Variants in LRRC4C observed in about 807,000 individuals in gnomAD.
LRRC4C encodes the protein leucine rich repeat containing 4C.
LRRC4C carries 5 observed loss-of-function variants against 33.6 expected under a neutral mutation model. The observed-to-expected ratio is 0.15, with a 90% CI of 0.08 to 0.31. The LOEUF (loss-of-function observed/expected upper bound fraction) is 0.31, where lower values mean the gene tolerates loss of function less well. Ranked by LOEUF, LRRC4C falls within the 10% of genes least tolerant of loss-of-function variation. LRRC4C has a pLI of 1.00. For missense variants in LRRC4C, 560 were observed against 796.7 expected (o/e 0.70, Z 3.58); for synonymous variants, 329 against 302.0 (o/e 1.09, Z -0.93).
chr11:41,303,861 G>T (rs77302162), intron 1 of LRRC4C, among the ~76,000 whole-genome samples: 1 of 40,252 alleles, frequency 2.5e-5, no homozygotes, highest in African/African-American at 7.3e-5. Context: ...CAATCACCCC[G>T]TCTGAGAAGT....
At chr11:41,412,783 A>T (rs1954536723) in intron 1 of LRRC4C, among the ~76,000 whole-genome samples, 1 of 152,172 alleles carries the variant, frequency 6.6e-6, no homozygotes, top group African/African-American at 2.4e-5. Context: ...GCAGAAACTC[A>T]GACAGAGAGA....
chr11:41,308,281 G>A lies in LRRC4C; in HGVS notation c.-496+151150C>T, dbSNP rs117447084. On this transcript the variant is annotated intron_variant, in intron 1 of 6. Coordinates refer to ENST00000528697, the MANE Select transcript of LRRC4C (RefSeq NM_001258419.2). The stretch of plus-strand genomic sequence containing the variant: ...TGGAGAAAAACGCATACATTCTGGG[G>A]GCTTATGAATACCTGGTGAAAGATT... Among the ~76,000 whole-genome samples, 60 of 151,798 alleles carry A rather than the reference G, an allele frequency of 4.0e-4. No individual in the cohort carries two copies. The East Asian group carries it at 0.011, about 27-fold the overall frequency.
At chr11:41,089,633 T>C (rs1940256009) in intron 1 of LRRC4C, among the ~76,000 whole-genome samples, 1 of 152,090 alleles carries the variant, frequency 6.6e-6, no homozygotes, top group Non-Finnish European at 1.5e-5. Flanking sequence ...TAACCTGACT[T>C]GGTGTCAGTT....
chr11:41,281,879 T>C (rs1949688361), intron 1 of LRRC4C, among the ~76,000 whole-genome samples: 1 of 152,192 alleles, frequency 6.6e-6, no homozygotes, highest in Non-Finnish European at 1.5e-5. Context: ...GCAATAAATA[T>C]GAAATAAATG....
intron 6 of LRRC4C, among the ~76,000 whole-genome samples, chr11:40,130,876 AT>A (rs368182329): frequency 2.0e-5 from 3 of 151,536 alleles, no homozygotes; most frequent in South Asian, 2.1e-4. Context: ...ACCTACTCTG[AT>A]TTTTTTTTAA....
At chr11:40,603,695 G>A (rs1206858835) in intron 3 of LRRC4C, among the ~76,000 whole-genome samples, 1 of 152,140 alleles carries the variant, frequency 6.6e-6, no homozygotes, top group Admixed American at 6.5e-5. Flanking sequence ...TATTCACTTT[G>A]CAACGCAGAG....
chr11:40,515,401 A>C (rs974674209), intron 3 of LRRC4C, among the ~76,000 whole-genome samples: 1 of 152,122 alleles, frequency 6.6e-6, no homozygotes, highest in Non-Finnish European at 1.5e-5. Flanking sequence ...ACAGTCAGGA[A>C]AGAAAAACTT....
At chr11:41,011,799 T>TAA (rs56021850) in intron 1 of LRRC4C, among the ~76,000 whole-genome samples, 62,805 of 142,096 alleles carry the variant, frequency 0.44, 14,358 homozygotes, top group South Asian at 0.56. Context: ...CACTTAAAAT[T>TAA]AAAAAAAAAA....
chr11:41,030,453 A>T (rs1385206898), intron 1 of LRRC4C, among the ~76,000 whole-genome samples: 1 of 151,796 alleles, frequency 6.6e-6, no homozygotes, highest in Non-Finnish European at 1.5e-5. Flanking sequence ...ACCTTCTTTC[A>T]CTGTATCAAA....
chr11:40,126,891 T>A (rs1590442964), intron 6 of LRRC4C, among the ~76,000 whole-genome samples: 1 of 145,420 alleles, frequency 6.9e-6, no homozygotes, highest in East Asian at 2.0e-4. Context: ...ACCCAGGAGG[T>A]GGAGGTTGCA....
At chr11:40,775,081 G>T (rs965449028) in intron 2 of LRRC4C, among the ~76,000 whole-genome samples, 1 of 151,764 alleles carries the variant, frequency 6.6e-6, no homozygotes, top group Non-Finnish European at 1.5e-5. Context: ...TTATTATATA[G>T]ATTGGGACTG....
At chr11:40,208,948 C>CGTGTGTGTGTGTGT (rs58767227) in intron 5 of LRRC4C, among the ~76,000 whole-genome samples, 2,998 of 146,702 alleles carry the variant, frequency 0.02, 54 homozygotes, top group Non-Finnish European at 0.022. Flanking sequence ...CTTTTGTGCA[C>CGTGTGTGTGTGTGT]GTGTGTGTGT....
intron 1 of LRRC4C, among the ~76,000 whole-genome samples, chr11:41,347,670 G>A (rs1221867220): frequency 6.6e-6 from 1 of 152,140 alleles, no homozygotes; most frequent in Non-Finnish European, 1.5e-5. Context: ...TTAAAATGCA[G>A]AGTTACATAA....
At chr11:40,736,408 T>A (rs576219521) in intron 2 of LRRC4C, among the ~76,000 whole-genome samples, 1 of 152,308 alleles carries the variant, frequency 6.6e-6, no homozygotes, top group East Asian at 1.9e-4. Context: ...TTATTCAGTC[T>A]ATAATTAATG....
Position 41,291,966 on chromosome 11 carries a change from A to G in LRRC4C, c.-496+167465T>C, listed in dbSNP as rs4617568. Among the ~76,000 whole-genome samples the G allele has an allele frequency of 2.1e-3, 314 of 152,316 alleles. 3 individuals carry two copies. The highest frequency in any genetic ancestry group is 6.7e-3 in the African/African-American group (278 of 41,570). On this transcript the variant is annotated intron_variant, in intron 1 of 6. Coordinates refer to ENST00000528697, the MANE Select transcript of LRRC4C (RefSeq NM_001258419.2). ...GGAGCAAATTGATGTACATATTAGTATTGCAATAGACCATTAGATCATTCC... is the reference window on the plus strand; with the variant it reads ...GGAGCAAATTGATGTACATATTAGTGTTGCAATAGACCATTAGATCATTCC...
chr11:40,393,578 T>A lies in LRRC4C; in HGVS notation c.-269-73857A>T, dbSNP rs181167540. ...TTGGAGAAAAAGAAGACAGTAATGGTACAGGATAACTCGGTACTTAACTTC... is the reference window on the plus strand; with the variant it reads ...TTGGAGAAAAAGAAGACAGTAATGGAACAGGATAACTCGGTACTTAACTTC... On this transcript the variant is annotated intron_variant, in intron 3 of 6. Transcript: ENST00000528697. Among the ~76,000 whole-genome samples the A allele has an allele frequency of 8.6e-4, 131 of 152,300 alleles. 1 individual carries two copies. Among genetic ancestry groups the A allele is most frequent in the Non-Finnish European group, 1.7e-3 (117 of 68,020 alleles).
At chr11:41,035,192 T>C (rs1856989103) in intron 1 of LRRC4C, among the ~76,000 whole-genome samples, 1 of 150,498 alleles carries the variant, frequency 6.6e-6, no homozygotes, top group Admixed American at 6.6e-5. Context: ...TCCATCTCAA[T>C]ATAAATAAAT....
intron 2 of LRRC4C, among the ~76,000 whole-genome samples, chr11:40,686,343 CTAACTGAG>C (rs1944953051): frequency 6.6e-6 from 1 of 152,136 alleles, no homozygotes; most frequent in South Asian, 2.1e-4. Context: ...TCAGTGTGTG[CTAACTGAG>C]TAAAAGCTCA....
At chr11:40,742,651 A>G (rs956245425) in intron 2 of LRRC4C, among the ~76,000 whole-genome samples, 2 of 152,012 alleles carry the variant, frequency 1.3e-5, no homozygotes, top group Non-Finnish European at 2.9e-5. Flanking sequence ...TAATCCTTGG[A>G]GTAAAGAGAA....
Sources: allele counts gnomAD v4.1 joint callset (sites outside exome capture counted in the v4.1 genomes callset), GRCh38; gene constraint gnomAD v4.1.1; transcripts MANE v1.5; gene names NCBI Gene and HGNC (gene_info 2026-07-23, HGNC 2026-07-21).